The following SPPL3 variants were observed in gnomAD, a reference collection of about 807,000 sequenced individuals.
The protein encoded by SPPL3 is signal peptide peptidase-like 3.
In SPPL3, 5 loss-of-function variants were observed where a neutral mutation model predicts 42.4. That is an observed-to-expected ratio of 0.12 (90% CI 0.06 to 0.25). The LOEUF is 0.25. Among genes scored for constraint, SPPL3 ranks in the 10% least tolerant of loss-of-function variants. The pLI, the probability that SPPL3 is intolerant of heterozygous loss-of-function variation, is 1.00. For synonymous variants in SPPL3, 195 were observed against 181.8 expected, an observed-to-expected ratio of 1.07 and a Z score of -0.58; for missense variants, 235 against 489.0, an observed-to-expected ratio of 0.48 and a Z score of 4.90.
At chr12:120,793,753 C>G (rs1870002834) in intron 2 of SPPL3, among the ~76,000 whole-genome samples, 1 of 152,208 alleles carries the variant, frequency 6.6e-6, no homozygotes, top group South Asian at 2.1e-4. Flanking sequence ...TCATGGCAGC[C>G]TGGGCTAATG....
chr12:120,824,092 G>T (rs1397269490), intron 1 of SPPL3, among the ~76,000 whole-genome samples: 1 of 151,856 alleles, frequency 6.6e-6, no homozygotes, highest in Admixed American at 6.6e-5. Flanking sequence ...GGATGGTCTC[G>T]ATCTCCTGAC....
chr12:120,871,145 A>G (rs955098516), intron 1 of SPPL3, among the ~76,000 whole-genome samples: 3 of 130,378 alleles, frequency 2.3e-5, no homozygotes, highest in South Asian at 2.1e-4. Flanking sequence ...AAAAAAAAAA[A>G]AAAAGAAAAA....
At chr12:120,900,915 C>A (rs61946380) in intron 1 of SPPL3, among the ~76,000 whole-genome samples, 2 of 120,288 alleles carry the variant, frequency 1.7e-5, no homozygotes, top group South Asian at 5.4e-4. Flanking sequence ...GAGTGAGACC[C>A]TGTCTCACAA....
At chr12:120,825,429 GGAGTTTGGCTTGGTAGA>G (rs1308118930) in intron 1 of SPPL3, among the ~76,000 whole-genome samples, 1 of 152,164 alleles carries the variant, frequency 6.6e-6, no homozygotes, top group East Asian at 1.9e-4. Context: ...GCACCTGAAA[GGAGTTTGGCTTGGTAGA>G]GAGAAAAGAG....
chr12:120,869,430 CCAT>C (rs1419181584), intron 1 of SPPL3, among the ~76,000 whole-genome samples: 1 of 152,162 alleles, frequency 6.6e-6, no homozygotes, highest in Non-Finnish European at 1.5e-5. Context: ...GCTTCAAACA[CCAT>C]ATGAGACAGA....
intron 3 of SPPL3, among the ~76,000 whole-genome samples, chr12:120,785,522 GA>G (rs1869692209): frequency 6.6e-6 from 1 of 151,738 alleles, no homozygotes; most frequent in Admixed American, 6.6e-5. Context: ...ATTTTTGGTA[GA>G]GAAGGAAAAC....
At chr12:120,825,024 A>G (rs1333266232) in intron 1 of SPPL3, among the ~76,000 whole-genome samples, 1 of 151,984 alleles carries the variant, frequency 6.6e-6, no homozygotes. Context: ...TCCCTTTCTC[A>G]TAGTGTGCCC....
At chr12:120,787,469 CAGGGGAAATCAGAGGACCTGG>C (rs1262231189) in intron 3 of SPPL3, among the ~76,000 whole-genome samples, 1 of 152,100 alleles carries the variant, frequency 6.6e-6, no homozygotes, top group Non-Finnish European at 1.5e-5. Context: ...AGAACAAGGT[CAGGGGAAATCAGAGGACCTGG>C]AGGGAACTCT....
intron 1 of SPPL3, among the ~76,000 whole-genome samples, chr12:120,864,491 T>C (rs1872704297): frequency 6.6e-6 from 1 of 152,120 alleles, no homozygotes; most frequent in East Asian, 1.9e-4. Flanking sequence ...GCCGAGATCA[T>C]GCCATTGCAC....
chr12:120,772,754 G>A (rs1280241181), intron 6 of SPPL3, among the ~76,000 whole-genome samples: 1 of 152,114 alleles, frequency 6.6e-6, no homozygotes. Flanking sequence ...AAACACAGAG[G>A]AGAAAAAGCT....
chr12:120,870,398 T>C (rs147997738), intron 1 of SPPL3, among the ~76,000 whole-genome samples: 25 of 152,128 alleles, frequency 1.6e-4, no homozygotes, highest in African/African-American at 5.3e-4. Flanking sequence ...TAAGCAGAGA[T>C]TGAGCACTCC....
chr12:120,853,542 TAAG>T lies in SPPL3; in HGVS notation c.24-42659_24-42657del, dbSNP rs537304053. The stretch of plus-strand genomic sequence containing the variant: ...AATTCTTTTGATATAAATTTTAGAC[TAAG>T]AAGAAGATATGATGCACACCAAAGC... On this transcript the variant is annotated intron_variant, in intron 1 of 10. Transcript: ENST00000353487. Among the ~76,000 whole-genome samples the T allele has an allele frequency of 4.5e-4, 69 of 152,302 alleles. 2 individuals are homozygous for T. In the South Asian group the frequency reaches 0.011, roughly 25 times the overall value.
chr12:120,837,546 T>C (rs1027556), intron 1 of SPPL3, among the ~76,000 whole-genome samples: 29,560 of 152,158 alleles, frequency 0.19, 4,541 homozygotes, highest in African/African-American at 0.41. Context: ...TTTTCTATAA[T>C]GCTTTTTAGC....
intron 1 of SPPL3, among the ~76,000 whole-genome samples, chr12:120,843,421 C>G (rs1871897649): frequency 6.6e-6 from 1 of 152,122 alleles, no homozygotes; most frequent in African/African-American, 2.4e-5. Context: ...AGCCAATATT[C>G]CTGCTGTTAT....
intron 1 of SPPL3, among the ~76,000 whole-genome samples, chr12:120,817,851 T>G (rs1486576779): frequency 6.6e-6 from 1 of 152,154 alleles, no homozygotes; most frequent in Non-Finnish European, 1.5e-5. Context: ...TATTCTGTTC[T>G]TTGCCCACAC....
intron 2 of SPPL3, among the ~76,000 whole-genome samples, chr12:120,800,401 G>C (rs2015462): frequency 0.45 from 68,850 of 151,936 alleles, 17,676 homozygotes; most frequent in Middle Eastern, 0.63. Flanking sequence ...TACTCAGGGG[G>C]CTGAGGTAAG....
chr12:120,900,129 C>G (rs1401228408), intron 1 of SPPL3, among the ~76,000 whole-genome samples: 1 of 152,106 alleles, frequency 6.6e-6, no homozygotes, highest in Non-Finnish European at 1.5e-5. Context: ...TCACCCAGCT[C>G]CAGTAATGAT....
At position 120,762,979 on chromosome 12, in the gene SPPL3, C is replaced by G. The variant is rs770623612; in HGVS notation, c.*2020G>C. On this transcript the variant is annotated 3_prime_UTR_variant, in exon 11 of 11. Coordinates refer to ENST00000353487, the MANE Select transcript of SPPL3 (RefSeq NM_139015.5). ...GCCTGCTTAATTAGCTATATGCATCCTCGAGGGCTGAGAAGGAAGGAAGGG... is the reference window on the plus strand; with the variant it reads ...GCCTGCTTAATTAGCTATATGCATCGTCGAGGGCTGAGAAGGAAGGAAGGG... 1 of 152,204 alleles carries G rather than the reference C, an allele frequency of 6.6e-6. No individual in the cohort carries two copies. Among genetic ancestry groups the G allele is most frequent in the Non-Finnish European group, 1.5e-5 (1 of 68,066 alleles). The allele number at this position is 152,204 out of a possible 1,614,324, so 9.4% of individuals were successfully genotyped here.
chr12:120,794,163 T>C (rs1266683435), intron 2 of SPPL3, among the ~76,000 whole-genome samples: 6 of 152,238 alleles, frequency 3.9e-5, no homozygotes, highest in African/African-American at 1.4e-4. Flanking sequence ...TTGTCTGTGG[T>C]AGTATTCTTT....
Sources: gnomAD v4.1 joint callset for allele counts (sites outside exome capture counted in the v4.1 genomes callset) on GRCh38, gnomAD v4.1.1 for gene constraint, MANE v1.5 for transcripts, NCBI Gene and HGNC (gene_info 2026-07-23, HGNC 2026-07-21) for gene names.